EYA3: variants seen among roughly 807,000 people sequenced by gnomAD.
EYA3 encodes EYA transcriptional coactivator and phosphatase 3.
A neutral mutation model predicts 80.0 loss-of-function variants in EYA3; 39 were observed. The ratio of observed to expected loss-of-function variants is 0.49; its 90% CI spans 0.38 to 0.64. The LOEUF (loss-of-function observed/expected upper bound fraction) is 0.64, where lower values mean the gene tolerates loss of function less well. EYA3 is among the 30% of genes least tolerant of loss of function. The probability of loss-of-function intolerance (pLI) is 0.00; values close to 1 mark genes in which losing one functional copy is unlikely to be tolerated. For missense variants in EYA3, 523 were observed against 676.1 expected, an observed-to-expected ratio of 0.77 and a Z score of 2.51; for synonymous variants, 206 against 232.8, an observed-to-expected ratio of 0.88 and a Z score of 1.05.
rs1250927989 is a variant in EYA3 at position 27,973,072 on chromosome 1, T to C, written c.*1394A>G. On this transcript the variant is annotated 3_prime_UTR_variant, in exon 18 of 18. Transcript: ENST00000373871. ...CCTTCCCCCCACAATCAGCAAAGTC[T>C]TTCTGGTTTCCTACTTTAGAATGGG... is the stretch of plus-strand genomic sequence containing the variant. 1 of 152,204 alleles carries C rather than the reference T, an allele frequency of 6.6e-6. No homozygotes were observed. The highest frequency in any genetic ancestry group is 1.5e-5 in the Non-Finnish European group (1 of 68,044). The allele number at this position is 152,204 out of a possible 1,614,324, so 9.4% of individuals were successfully genotyped here.
chr1:28,069,469 G>C (rs1270529195), intron 1 of EYA3, among the ~76,000 whole-genome samples: 1 of 151,330 alleles, frequency 6.6e-6, no homozygotes, highest in African/African-American at 2.4e-5. Flanking sequence ...GAGGTAGGAG[G>C]ATCCCTTGAG....
chr1:28,079,795 CTT>C (rs761445915), intron 1 of EYA3, among the ~76,000 whole-genome samples: 11 of 140,022 alleles, frequency 7.9e-5, no homozygotes, highest in Admixed American at 7.2e-5. Flanking sequence ...TAAACATTTT[CTT>C]TTTTTTTTTT....
At position 28,066,948 on chromosome 1, in the gene EYA3, T is replaced by C. The variant is rs146044302; in HGVS notation, c.-68-8854A>G. 2.8e-3 allele frequency among the ~76,000 whole-genome samples: 424 copies of C among 152,084 alleles called. 5 individuals are homozygous for C. Among genetic ancestry groups the C allele is most frequent in the African/African-American group, 9.9e-3 (411 of 41,512 alleles). On this transcript the variant is annotated intron_variant, in intron 1 of 17. Transcript: ENST00000373871. Reference sequence around the variant, plus strand: ...AGAAAAAAGACTGTCTCACTACTAATTGGAGAAATATAAATTGCAATATTC... The same window carrying C: ...AGAAAAAAGACTGTCTCACTACTAACTGGAGAAATATAAATTGCAATATTC...
At chr1:28,003,492 C>CAAACAAACAAACAA (rs796294707) in intron 11 of EYA3, among the ~76,000 whole-genome samples, 357 of 152,038 alleles carry the variant, frequency 2.3e-3, no homozygotes, top group African/African-American at 8.2e-3. Context: ...AACAAACAAA[C>CAAACAAACAAACAA]AAACAAAAAA....
Position 27,981,763 on chromosome 1 carries a change from CAAAAAAAA to C in EYA3, c.1541-3297_1541-3290del, listed in dbSNP as rs373795075. The stretch of plus-strand genomic sequence containing the variant: ...ACTCTAGCCTGGTGAGACCCTGTCT[CAAAAAAAA>C]AAAAAAAAGAAAAAAATGCCTACCA... On this transcript the variant is annotated intron_variant, in intron 16 of 17. Coordinates refer to ENST00000373871, the MANE Select transcript of EYA3 (RefSeq NM_001990.4). 1.4e-4 allele frequency among the ~76,000 whole-genome samples: 13 copies of C among 96,024 alleles called. No homozygotes were observed. The Admixed American group carries it at 1.5e-3, about 11-fold the overall frequency. The allele number at this position is 96,024 out of a possible 152,430, so 63.0% of individuals were successfully genotyped here. A position where few individuals can be genotyped will look rare whatever the true frequency, so the allele number is the denominator to read the frequency against.
chr1:28,075,125 C>A (rs891744229), intron 1 of EYA3, among the ~76,000 whole-genome samples: 11 of 152,186 alleles, frequency 7.2e-5, no homozygotes, highest in Non-Finnish European at 1.5e-4. Flanking sequence ...TTCTTGCTTG[C>A]ACAAAGTCTA....
intron 10 of EYA3, among the ~76,000 whole-genome samples, chr1:28,008,274 C>T (rs1641441952): frequency 6.6e-6 from 1 of 151,786 alleles, no homozygotes; most frequent in African/African-American, 2.4e-5. Flanking sequence ...TATCTTACAC[C>T]ATATACAAAA....
intron 1 of EYA3, among the ~76,000 whole-genome samples, chr1:28,076,666 T>G (rs561138270): frequency 2.0e-3 from 82 of 40,398 alleles, no homozygotes; most frequent in Non-Finnish European, 3.3e-3. Flanking sequence ...AGACTCTGCC[T>G]AAAAAAAAAA....
chr1:28,019,979 G>A (rs1157538455), intron 7 of EYA3, among the ~76,000 whole-genome samples: 1 of 152,132 alleles, frequency 6.6e-6, no homozygotes, highest in East Asian at 1.9e-4. Flanking sequence ...TGGGATTACA[G>A]GCATGAGCCA....
chr1:27,980,147 A>C (rs1346789522), intron 16 of EYA3, among the ~76,000 whole-genome samples: 2 of 152,254 alleles, frequency 1.3e-5, no homozygotes, highest in African/African-American at 4.8e-5. Flanking sequence ...TTTGCTGAGT[A>C]AATTCATATT....
chr1:28,013,414 T>A lies in EYA3; in HGVS notation c.586-120A>T. 1.1e-6 allele frequency: 1 copy of A among 919,592 alleles called. No homozygotes were observed. 57.0% of individuals were successfully genotyped at this position (919,592 alleles called of 1,614,324 possible). ...ATTTTTCTAAAACATTAATTTGACT[T>A]CTCATTTACCTACCTAAAAGTCTCC... On this transcript the variant is annotated intron_variant, in intron 8 of 17. Transcript: ENST00000373871. The surrounding 1 kb of genome is among the most constrained non-coding windows in gnomAD (Gnocchi z 4.0).
At chr1:27,978,729 C>T (rs1038991642) in intron 16 of EYA3, among the ~76,000 whole-genome samples, 3 of 152,100 alleles carry the variant, frequency 2.0e-5, no homozygotes, top group Non-Finnish European at 4.4e-5. Flanking sequence ...TTTGGGAGAC[C>T]GAGGCGGGCG....
At chr1:27,997,428 T>C (rs763026160) in intron 12 of EYA3, 50 bp from the exon 13 acceptor site, 1 of 1,473,294 alleles carries the variant, frequency 6.8e-7, no homozygotes, top group African/African-American at 1.4e-5. Context: ...AGAAGTGATA[T>C]TACCATCATG....
intron 4 of EYA3, among the ~76,000 whole-genome samples, chr1:28,042,195 T>C (rs979071282): frequency 1.3e-5 from 2 of 152,188 alleles, no homozygotes; most frequent in Admixed American, 1.3e-4. Context: ...AAACACTATA[T>C]AGAACTCAAG....
At chr1:28,077,674 G>A (rs936730419) in intron 1 of EYA3, among the ~76,000 whole-genome samples, 5 of 152,158 alleles carry the variant, frequency 3.3e-5, no homozygotes, top group South Asian at 4.1e-4. Flanking sequence ...ATAAGAATAT[G>A]ATAAAAGAAA....
chr1:28,003,425 T>C (rs1641038342), intron 11 of EYA3, among the ~76,000 whole-genome samples: 2 of 151,998 alleles, frequency 1.3e-5, no homozygotes, highest in African/African-American at 4.8e-5. Flanking sequence ...GCAGAGATCA[T>C]GCTACTGTAC....
intron 15 of EYA3, 150 bp downstream of exon 15, chr1:27,989,547 T>C: frequency 2.3e-6 from 1 of 429,028 alleles, no homozygotes. Context: ...AAAATGACCT[T>C]GCTTCTCACC....
Position 28,017,272 on chromosome 1 carries a change from G to A in EYA3, c.500-33C>T, listed in dbSNP as rs57730266. 1,347 of 1,497,496 alleles carry A rather than the reference G, an allele frequency of 9.0e-4. 5 individuals carry two copies. Among genetic ancestry groups the A allele is most frequent in the African/African-American group, 6.1e-3 (441 of 72,504 alleles). 92.8% of individuals were successfully genotyped at this position (1,497,496 alleles called of 1,614,324 possible). ...ATTGATGGGGTTAAAAGATATTAAA[G>A]ATATTATGTAAAAGGTTAGAAGAAA... On this transcript the variant is annotated intron_variant, in intron 7 of 17. Transcript: ENST00000373871.
intron 13 of EYA3, among the ~76,000 whole-genome samples, chr1:27,993,953 A>C (rs1327471642): frequency 6.6e-6 from 1 of 152,248 alleles, no homozygotes; most frequent in East Asian, 1.9e-4. Context: ...ATGAAAAAAT[A>C]ATGAAAGGAA....
Sources: gnomAD v4.1 joint callset for allele counts (sites outside exome capture counted in the v4.1 genomes callset) on GRCh38, gnomAD v4.1.1 for gene constraint, Gnocchi (gnomAD v3.1) non-coding constraint, MANE v1.5 for transcripts, NCBI Gene and HGNC (gene_info 2026-07-23, HGNC 2026-07-21) for gene names.